IKZF2: variants seen among roughly 807,000 people sequenced by gnomAD.
IKZF2 encodes IKAROS family zinc finger 2.
A neutral mutation model predicts 49.2 loss-of-function variants in IKZF2; 15 were observed. The ratio of observed to expected loss-of-function variants is 0.30; its 90% CI spans 0.20 to 0.47. The LOEUF is 0.47. Among genes scored for constraint, IKZF2 ranks in the 20% least tolerant of loss-of-function variants. The pLI, the probability that IKZF2 is intolerant of heterozygous loss-of-function variation, is 1.00. For missense variants in IKZF2, 567 were observed against 664.6 expected (o/e 0.85, Z 1.61); for synonymous variants, 227 against 221.4 (o/e 1.03, Z -0.23).
intron 4 of IKZF2, among the ~76,000 whole-genome samples, chr2:213,100,344 T>G (rs1706509643): frequency 6.6e-6 from 1 of 152,090 alleles, no homozygotes; most frequent in South Asian, 2.1e-4. Flanking sequence ...TAAGTAGGAC[T>G]ACTATAAAGA....
intron 4 of IKZF2, among the ~76,000 whole-genome samples, chr2:213,132,212 A>C (rs2060496544): frequency 6.6e-6 from 1 of 152,140 alleles, no homozygotes; most frequent in Non-Finnish European, 1.5e-5. Context: ...CAGAGATTAC[A>C]AAGTCATTTT....
At chr2:213,046,005 G>A (rs1700114087) in intron 6 of IKZF2, among the ~76,000 whole-genome samples, 1 of 152,194 alleles carries the variant, frequency 6.6e-6, no homozygotes, top group African/African-American at 2.4e-5. Context: ...GGCAAATGGA[G>A]ATGCTGTATG....
chr2:213,094,147 T>C (rs1311080248), intron 4 of IKZF2, among the ~76,000 whole-genome samples: 3 of 152,024 alleles, frequency 2.0e-5, no homozygotes, highest in Non-Finnish European at 4.4e-5. Flanking sequence ...TAAGCAGACA[T>C]GGTAAAGTGA....
At chr2:213,123,325 G>A (rs1226472395) in intron 4 of IKZF2, among the ~76,000 whole-genome samples, 1 of 152,096 alleles carries the variant, frequency 6.6e-6, no homozygotes, top group African/African-American at 2.4e-5. Flanking sequence ...CAAAGCATCA[G>A]GTTTTATAGT....
intron 4 of IKZF2, among the ~76,000 whole-genome samples, chr2:213,141,816 C>A (rs753786145): frequency 4.6e-5 from 7 of 151,978 alleles, no homozygotes; most frequent in Non-Finnish European, 1.0e-4. Context: ...ATTCACCTTA[C>A]AATACCTGGC....
intron 4 of IKZF2, among the ~76,000 whole-genome samples, chr2:213,128,706 C>T (rs2060353643): frequency 6.6e-6 from 1 of 152,000 alleles, no homozygotes; most frequent in African/African-American, 2.4e-5. Flanking sequence ...CAGCTCACTG[C>T]AACCTCCACC....
At chr2:213,031,260 G>T (rs1698400830) in intron 6 of IKZF2, among the ~76,000 whole-genome samples, 1 of 152,210 alleles carries the variant, frequency 6.6e-6, no homozygotes, top group Admixed American at 6.5e-5. Flanking sequence ...ATACAGCACT[G>T]AACGAGACAA....
intron 4 of IKZF2, among the ~76,000 whole-genome samples, chr2:213,111,524 T>C (rs1219824369): frequency 6.6e-6 from 1 of 152,088 alleles, no homozygotes; most frequent in East Asian, 1.9e-4. Context: ...CAAAAAGTGA[T>C]TATTTTATCT....
intron 1 of IKZF2, among the ~76,000 whole-genome samples, chr2:213,150,633 A>C (rs2061252182): frequency 6.7e-6 from 1 of 148,732 alleles, no homozygotes; most frequent in African/African-American, 2.5e-5. Context: ...GCGATTAACA[A>C]GAGAAAAAAC....
At chr2:213,135,136 T>A (rs1352950307) in intron 4 of IKZF2, among the ~76,000 whole-genome samples, 3 of 152,196 alleles carry the variant, frequency 2.0e-5, no homozygotes, top group East Asian at 3.8e-4. Flanking sequence ...AATTTTAAAT[T>A]GATGAATATG....
intron 6 of IKZF2, among the ~76,000 whole-genome samples, chr2:213,045,881 T>C (rs1023919326): frequency 1.3e-5 from 2 of 152,176 alleles, no homozygotes; most frequent in Non-Finnish European, 2.9e-5. Flanking sequence ...GCTGTCCATT[T>C]TGAGAGCAGC....
intron 4 of IKZF2, among the ~76,000 whole-genome samples, chr2:213,119,206 T>C (rs940285189): frequency 5.3e-5 from 8 of 151,924 alleles, no homozygotes; most frequent in African/African-American, 1.5e-4. Context: ...GGTTTGCAAA[T>C]GGAAGTGCTA....
Position 213,006,678 on chromosome 2 carries a change from T to G in IKZF2, c.*682A>C, listed in dbSNP as rs1392539622. The stretch of plus-strand genomic sequence containing the variant: ...AAACTATGGAAAAACAGTGCTTACG[T>G]TTAGAAAAATAAGATCACAGGACCT... On this transcript the variant is annotated 3_prime_UTR_variant, in exon 9 of 9. Coordinates refer to ENST00000434687, the MANE Select transcript of IKZF2 (RefSeq NM_001387220.1). 6.6e-6 allele frequency: 1 copy of G among 152,424 alleles called. No individual in the cohort carries two copies. Among genetic ancestry groups the G allele is most frequent in the East Asian group, 1.9e-4 (1 of 5,178 alleles). The allele number at this position is 152,424 out of a possible 1,614,324, so 9.4% of individuals were successfully genotyped here.
At chr2:213,034,720 G>A (rs1326353706) in intron 6 of IKZF2, among the ~76,000 whole-genome samples, 34 of 152,132 alleles carry the variant, frequency 2.2e-4, no homozygotes, top group Admixed American at 2.2e-3. Context: ...ATAATAATGA[G>A]CAAATGTGAA....
intron 6 of IKZF2, among the ~76,000 whole-genome samples, chr2:213,040,827 G>A (rs1207560154): frequency 1.3e-5 from 2 of 152,100 alleles, no homozygotes; most frequent in African/African-American, 4.8e-5. Context: ...TCATTAAATA[G>A]TCACTTAAGG....
chr2:213,035,513 G>C (rs1170623972), intron 6 of IKZF2, among the ~76,000 whole-genome samples: 1 of 152,160 alleles, frequency 6.6e-6, no homozygotes, highest in Non-Finnish European at 1.5e-5. Context: ...GATGCTTCTG[G>C]TAGGTTGCTT....
intron 4 of IKZF2, among the ~76,000 whole-genome samples, chr2:213,076,790 C>A (rs1456819053): frequency 6.6e-6 from 1 of 152,196 alleles, no homozygotes; most frequent in Non-Finnish European, 1.5e-5. Flanking sequence ...GAAAGTCCAG[C>A]TACTCCGGAG....
At chr2:213,121,080 C>G (rs1024830923) in intron 4 of IKZF2, among the ~76,000 whole-genome samples, 2 of 152,112 alleles carry the variant, frequency 1.3e-5, no homozygotes, top group Non-Finnish European at 2.9e-5. Flanking sequence ...AAATCTGATT[C>G]TCTTTAAAGG....
At chr2:213,138,037 G>A (rs1192270622) in intron 4 of IKZF2, among the ~76,000 whole-genome samples, 2 of 152,064 alleles carry the variant, frequency 1.3e-5, no homozygotes, top group African/African-American at 4.8e-5. Flanking sequence ...TTATTAGAAC[G>A]TGACTTCACA....
Sources: gnomAD v4.1 joint callset for allele counts (sites outside exome capture counted in the v4.1 genomes callset) on GRCh38, gnomAD v4.1.1 for gene constraint, MANE v1.5 for transcripts, NCBI Gene and HGNC (gene_info 2026-07-23, HGNC 2026-07-21) for gene names.